Variants in DTNA observed in about 807,000 individuals in gnomAD.
DTNA encodes the protein dystrophin-related protein 3.
In DTNA, 43 loss-of-function variants were observed where a neutral mutation model predicts 100.7. The ratio of observed to expected loss-of-function variants is 0.43; its 90% confidence interval spans 0.33 to 0.55. The LOEUF (loss-of-function observed/expected upper bound fraction) is 0.55. Ranked by LOEUF, DTNA falls within the 20% of genes least tolerant of loss-of-function variation. The pLI is 0.04. For missense variants in DTNA, 798 were observed against 953.9 expected (o/e 0.84, Z 2.15); for synonymous variants, 349 against 347.9 (o/e 1.00, Z -0.04).
chr18:34,739,726 A>G (rs1321343523), intron 1 of DTNA, among the ~76,000 whole-genome samples: 1 of 152,180 alleles, frequency 6.6e-6, no homozygotes, highest in Non-Finnish European at 1.5e-5. Context: ...GGACCCCAAA[A>G]TGTTAAATTC....
intron 20 of DTNA, among the ~76,000 whole-genome samples, chr18:34,879,983 G>A (rs2096856673): frequency 6.6e-6 from 1 of 152,070 alleles, no homozygotes; most frequent in Admixed American, 6.6e-5. Context: ...CACATTGCTA[G>A]TGCTATACAA....
At chr18:34,539,159 GAC>G (rs1368954369) in intron 1 of DTNA, among the ~76,000 whole-genome samples, 3 of 151,864 alleles carry the variant, frequency 2.0e-5, no homozygotes, top group African/African-American at 7.3e-5. Flanking sequence ...CCAGGAGTAA[GAC>G]AGCACACTGA....
chr18:34,855,795 C>T (rs574088870), intron 15 of DTNA, among the ~76,000 whole-genome samples: 81 of 152,332 alleles, frequency 5.3e-4, no homozygotes, highest in South Asian at 1.0e-3. Flanking sequence ...CTTGGTTGCA[C>T]TGTTAATTAA....
chr18:34,742,631 C>CTATTATCTATCTAGATAGATAGATAATT (rs1317666031), intron 1 of DTNA, among the ~76,000 whole-genome samples: 9 of 152,090 alleles, frequency 5.9e-5, no homozygotes, highest in Non-Finnish European at 1.2e-4. Context: ...TGATTATCTT[C>CTATTATCTATCTAGATAGATAGATAATT]TATTATCTAT....
intron 1 of DTNA, among the ~76,000 whole-genome samples, chr18:34,560,723 T>C (rs969453807): frequency 6.6e-6 from 1 of 152,086 alleles, no homozygotes; most frequent in Non-Finnish European, 1.5e-5. Flanking sequence ...CTGGGCAACA[T>C]ACTGAAACCC....
chr18:34,833,707 G>T (rs916149387), intron 11 of DTNA, among the ~76,000 whole-genome samples: 2 of 152,150 alleles, frequency 1.3e-5, no homozygotes, highest in Non-Finnish European at 2.9e-5. Context: ...AAAAGATGGC[G>T]ATAAGAAAAA....
At chr18:34,684,918 A>T (rs184974045) in intron 1 of DTNA, among the ~76,000 whole-genome samples, 1 of 152,100 alleles carries the variant, frequency 6.6e-6, no homozygotes, top group African/African-American at 2.4e-5. Flanking sequence ...GCTTCTTTTC[A>T]TATGTTTTTT....
At chr18:34,656,815 A>C (rs572738580) in intron 1 of DTNA, among the ~76,000 whole-genome samples, 1 of 152,298 alleles carries the variant, frequency 6.6e-6, no homozygotes, top group South Asian at 2.1e-4. Context: ...AATTTAGTGA[A>C]ATGATGTTAA....
At chr18:34,885,958 C>T (rs997840374) in intron 22 of DTNA, among the ~76,000 whole-genome samples, 2 of 152,306 alleles carry the variant, frequency 1.3e-5, no homozygotes, top group African/African-American at 4.8e-5. Flanking sequence ...TTTTCTCTGG[C>T]TCCAGCTAAT....
chr18:34,783,474 T>A (rs1167278911), intron 3 of DTNA, among the ~76,000 whole-genome samples: 2 of 152,200 alleles, frequency 1.3e-5, no homozygotes, highest in Admixed American at 1.3e-4. Flanking sequence ...GTTATCTCTG[T>A]AAGACATGAT....
chr18:34,712,605 T>C (rs2083123928), intron 1 of DTNA, among the ~76,000 whole-genome samples: 1 of 152,178 alleles, frequency 6.6e-6, no homozygotes, highest in Non-Finnish European at 1.5e-5. Flanking sequence ...ATAGTTGTTT[T>C]GGTATTTTCA....
At chr18:34,680,162 G>A (rs946655057) in intron 1 of DTNA, among the ~76,000 whole-genome samples, 3 of 151,996 alleles carry the variant, frequency 2.0e-5, no homozygotes, top group Non-Finnish European at 4.4e-5. Flanking sequence ...TTTTTAAAGT[G>A]CTATGTACAG....
At chr18:34,853,653 T>TA (rs2096513535) in intron 15 of DTNA, among the ~76,000 whole-genome samples, 1 of 151,722 alleles carries the variant, frequency 6.6e-6, no homozygotes, top group Non-Finnish European at 1.5e-5. Context: ...AGAGCTGGAA[T>TA]AAAAAAATTT....
At chr18:34,498,078 C>T (rs755384056) in intron 1 of DTNA, among the ~76,000 whole-genome samples, 8 of 151,898 alleles carry the variant, frequency 5.3e-5, no homozygotes, top group South Asian at 2.1e-4. Context: ...GTCAGGAGTT[C>T]GAGACCAGCC....
At chr18:34,620,218 A>T (rs901755529) in intron 1 of DTNA, among the ~76,000 whole-genome samples, 2 of 152,238 alleles carry the variant, frequency 1.3e-5, no homozygotes, top group African/African-American at 4.8e-5. Context: ...AAGTTTAGAC[A>T]GTCAACATAA....
intron 1 of DTNA, chr18:34,574,193 C>T (rs1239581935): frequency 1.3e-5 from 2 of 152,630 alleles, no homozygotes; most frequent in African/African-American, 4.8e-5. Context: ...ACCTCATCAA[C>T]TTTGGCCAAC....
intron 1 of DTNA, among the ~76,000 whole-genome samples, chr18:34,566,874 C>A (rs1189109294): frequency 6.6e-6 from 1 of 152,166 alleles, no homozygotes; most frequent in Non-Finnish European, 1.5e-5. Flanking sequence ...AGATTTAAAA[C>A]TGCATTATAC....
chr18:34,589,634 T>A (rs2049490425), intron 1 of DTNA, among the ~76,000 whole-genome samples: 1 of 151,964 alleles, frequency 6.6e-6, no homozygotes. Context: ...GAAAAAAAAG[T>A]ACCTCATAAT....
upstream of DTNA, among the ~76,000 whole-genome samples, chr18:34,705,935 A>G (rs1466654055): frequency 2.6e-5 from 4 of 152,180 alleles, no homozygotes; most frequent in Non-Finnish European, 5.9e-5. Flanking sequence ...TGAAAAGGCA[A>G]TATTCAAAAT....
Sources: gnomAD v4.1 joint callset for allele counts (sites outside exome capture counted in the v4.1 genomes callset) on GRCh38, gnomAD v4.1.1 for gene constraint, MANE v1.5 for transcripts, NCBI Gene and HGNC (gene_info 2026-07-23, HGNC 2026-07-21) for gene names.